ZFHX3: variants seen among roughly 807,000 people sequenced by gnomAD.
ZFHX3 encodes zinc finger homeobox 3, also known as zinc finger homeobox protein 3.
Under a neutral mutation model 279.1 loss-of-function variants are expected in ZFHX3, and 42 were observed. That is an observed-to-expected ratio of 0.15 (90% CI 0.12 to 0.19). ZFHX3 has a LOEUF of 0.19. ZFHX3 is among the 10% of genes least tolerant of loss of function. ZFHX3 has a pLI of 1.00. For missense variants in ZFHX3, 4,981 were observed against 4,754.0 expected, an observed-to-expected ratio of 1.05 and a Z score of -1.40; for synonymous variants, 2,293 against 1,957.8, an observed-to-expected ratio of 1.17 and a Z score of -4.52.
At chr16:73,727,267 CCA>C (rs2053526850) in intron 1 of ZFHX3, among the ~76,000 whole-genome samples, 1 of 152,214 alleles carries the variant, frequency 6.6e-6, no homozygotes. Flanking sequence ...AGAGGAGCCT[CCA>C]GAGACAGCAG....
At chr16:73,060,977 C>A (rs1460897296), upstream of ZFHX3, 2 of 152,128 alleles carry the variant, frequency 1.3e-5, no homozygotes, top group Non-Finnish European at 2.9e-5. Flanking sequence ...GTTACCTCAT[C>A]TAATCCTTCT....
intron 7 of ZFHX3, among the ~76,000 whole-genome samples, chr16:72,801,599 G>A (rs568676672): frequency 6.6e-6 from 1 of 152,264 alleles, no homozygotes; most frequent in Middle Eastern, 3.4e-3. Context: ...CCATGGAGAA[G>A]CATTCTGAGA....
At chr16:73,447,788 A>G (rs959086388) in intron 3 of ZFHX3, among the ~76,000 whole-genome samples, 1 of 152,212 alleles carries the variant, frequency 6.6e-6, no homozygotes, top group African/African-American at 2.4e-5. Flanking sequence ...GGAGCTCTAC[A>G]TATTAAGCAA....
chr16:73,681,726 C>T (rs566437938), intron 1 of ZFHX3, among the ~76,000 whole-genome samples: 1 of 152,314 alleles, frequency 6.6e-6, no homozygotes, highest in South Asian at 2.1e-4. Context: ...CATGTGCAAA[C>T]TGCATTCAAA....
At chr16:73,676,643 T>C (rs905486089) in intron 2 of ZFHX3, among the ~76,000 whole-genome samples, 2 of 151,878 alleles carry the variant, frequency 1.3e-5, no homozygotes, top group East Asian at 1.9e-4. Context: ...TGTACGTAAA[T>C]GGCTTAAATT....
At chr16:73,024,385 C>G (rs1393988016) in intron 1 of ZFHX3, among the ~76,000 whole-genome samples, 1 of 152,174 alleles carries the variant, frequency 6.6e-6, no homozygotes, top group African/African-American at 2.4e-5. Context: ...CAGGCAAAGT[C>G]TCCACTCCCC....
At chr16:73,024,896 G>A (rs957136098) in intron 1 of ZFHX3, among the ~76,000 whole-genome samples, 1 of 152,172 alleles carries the variant, frequency 6.6e-6, no homozygotes, top group African/African-American at 2.4e-5. Flanking sequence ...GGTGGGCCCA[G>A]GAAGGCCCTG....
intron 7 of ZFHX3, among the ~76,000 whole-genome samples, chr16:73,103,992 G>A (rs1035484058): frequency 1.3e-5 from 2 of 152,166 alleles, no homozygotes; most frequent in Non-Finnish European, 2.9e-5. Flanking sequence ...CCAGTCTCAC[G>A]GCTTTGCATG....
intron 1 of ZFHX3, among the ~76,000 whole-genome samples, chr16:73,814,718 C>A (rs940848201): frequency 1.3e-5 from 2 of 152,036 alleles, no homozygotes; most frequent in African/African-American, 4.8e-5. Flanking sequence ...TGGGCACCCA[C>A]CACCATGCCT....
chr16:73,038,277 C>A (rs1417585835), intron 1 of ZFHX3, among the ~76,000 whole-genome samples: 2 of 152,210 alleles, frequency 1.3e-5, no homozygotes, highest in Non-Finnish European at 2.9e-5. Flanking sequence ...AGAGGGCTTC[C>A]CCACTGTGGA....
At chr16:73,006,003 T>G (rs2144610155) in intron 1 of ZFHX3, 1 of 152,386 alleles carries the variant, frequency 6.6e-6, no homozygotes, top group African/African-American at 2.4e-5. Flanking sequence ...TGTTACGTTG[T>G]AACTGAACTC....
At chr16:73,844,601 C>G (rs570189335) in intron 1 of ZFHX3, among the ~76,000 whole-genome samples, 4 of 150,866 alleles carry the variant, frequency 2.7e-5, no homozygotes, top group Admixed American at 6.6e-5. Context: ...ATAACATGCT[C>G]GAGGGAGGGA....
intron 1 of ZFHX3, among the ~76,000 whole-genome samples, chr16:73,000,704 G>A (rs760480049): frequency 7.2e-5 from 11 of 152,200 alleles, no homozygotes; most frequent in East Asian, 5.8e-4. Context: ...CTCAAATTAC[G>A]CTAGACATGC....
chr16:73,382,994 C>T (rs1297119680), intron 3 of ZFHX3, among the ~76,000 whole-genome samples: 4 of 152,132 alleles, frequency 2.6e-5, no homozygotes, highest in Admixed American at 6.5e-5. Context: ...AGGCAGGACA[C>T]AGGAGACAGG....
intron 4 of ZFHX3, among the ~76,000 whole-genome samples, chr16:72,882,815 G>A (rs570736569): frequency 5.9e-5 from 9 of 152,144 alleles, no homozygotes; most frequent in Non-Finnish European, 1.0e-4. Flanking sequence ...TGGTATCGAC[G>A]TAATTTCCCT....
intron 2 of ZFHX3, among the ~76,000 whole-genome samples, chr16:73,540,669 T>C (rs1341609804): frequency 3.3e-5 from 5 of 152,216 alleles, no homozygotes; most frequent in African/African-American, 4.8e-5. Context: ...CTTTAAATAA[T>C]ACCAGTCTGA....
intron 2 of ZFHX3, among the ~76,000 whole-genome samples, chr16:73,659,583 G>C (rs2052758677): frequency 6.6e-6 from 1 of 152,118 alleles, no homozygotes; most frequent in Non-Finnish European, 1.5e-5. Context: ...GTTGTCAGCT[G>C]TATGGAGAGC....
chr16:73,656,867 CA>C (rs1234225600), intron 2 of ZFHX3, among the ~76,000 whole-genome samples: 1 of 152,104 alleles, frequency 6.6e-6, no homozygotes, highest in Non-Finnish European at 1.5e-5. Flanking sequence ...TAAGAACAGC[CA>C]ATGCAAAGAA....
intron 3 of ZFHX3, among the ~76,000 whole-genome samples, chr16:73,321,009 G>T (rs1215572612): frequency 6.6e-6 from 1 of 152,158 alleles, no homozygotes; most frequent in Non-Finnish European, 1.5e-5. Flanking sequence ...CAGATGTCTG[G>T]TGCCAACAGA....
Sources: gnomAD v4.1 joint callset for allele counts (sites outside exome capture counted in the v4.1 genomes callset) on GRCh38, gnomAD v4.1.1 for gene constraint, MANE v1.5 for transcripts, NCBI Gene and HGNC (gene_info 2026-07-23, HGNC 2026-07-21) for gene names.